The following GPHN variants were observed in gnomAD, a reference collection of about 807,000 sequenced individuals.
The protein encoded by GPHN is gephyrin.
In GPHN, 17 loss-of-function variants were observed where a neutral mutation model predicts 95.5. The observed-to-expected ratio is 0.18, with a 90% CI of 0.12 to 0.27. GPHN has a LOEUF of 0.27. Ranked by LOEUF, GPHN falls within the 10% of genes least tolerant of loss-of-function variation. The probability of loss-of-function intolerance (pLI) is 1.00; values close to 1 mark genes in which losing one functional copy is unlikely to be tolerated. For synonymous variants in GPHN, 320 were observed against 322.5 expected (o/e 0.99, Z 0.08); for missense variants, 660 against 978.1 (o/e 0.67, Z 4.34).
chr14:67,366,418 T>C, the GPHN span, among the ~76,000 whole-genome samples: 1 of 152,214 alleles, frequency 6.6e-6, no homozygotes, highest in Non-Finnish European at 1.5e-5. Flanking sequence ...GAATCAAATA[T>C]GTTTTTAGTT....
At position 66,508,274 on chromosome 14, in the gene GPHN, T is replaced by TG. The variant is rs2057868079; in HGVS notation, c.-253dup. 3 of 577,254 alleles carry TG rather than the reference T, an allele frequency of 5.2e-6. No homozygotes were observed. 35.8% of individuals were successfully genotyped at this position (577,254 alleles called of 1,614,324 possible). ...GTGCGGCCACCGCGCCCCCCAAGCT[T>TG]GCCTCCTTCTTGCCGGACTTGGGGC... On this transcript the variant is annotated 5_prime_UTR_variant, in exon 1 of 23. Coordinates refer to ENST00000478722, the MANE Select transcript of GPHN (RefSeq NM_020806.5).
the GPHN span, chr14:67,302,212 G>A: frequency 6.0e-6 from 8 of 1,343,186 alleles, no homozygotes; most frequent in Non-Finnish European, 7.9e-6. Flanking sequence ...AATGAATAGA[G>A]TATTTCTGAA....
chr14:67,132,295 A>G (rs977951665), intron 17 of GPHN, among the ~76,000 whole-genome samples: 12 of 152,290 alleles, frequency 7.9e-5, no homozygotes, highest in African/African-American at 2.9e-4. Context: ...TTCATTGCTT[A>G]CCCAATGTTC....
At position 67,009,621 on chromosome 14, in the gene GPHN, A is replaced by G. The variant is rs540539087; in HGVS notation, c.964-14012A>G. On this transcript the variant is annotated intron_variant, in intron 9 of 22. Transcript: ENST00000478722. ...TATGCAGGGGAAGGACTGAGAAACA[A>G]TGATTCACAGGGAATCTATACACAA... 2.4e-3 allele frequency among the ~76,000 whole-genome samples: 366 copies of G among 152,270 alleles called. 4 individuals are homozygous for G. Among genetic ancestry groups the G allele is most frequent in the African/African-American group, 8.3e-3 (345 of 41,544 alleles).
chr14:67,629,193 A>G, the GPHN span, among the ~76,000 whole-genome samples: 1 of 152,018 alleles, frequency 6.6e-6, no homozygotes, highest in Non-Finnish European at 1.5e-5. Context: ...AAAATTAGCC[A>G]GGTGTGGTGG....
At chr14:66,518,917 A>T (rs1024693805) in intron 1 of GPHN, among the ~76,000 whole-genome samples, 1 of 152,070 alleles carries the variant, frequency 6.6e-6, no homozygotes, top group Non-Finnish European at 1.5e-5. Flanking sequence ...AGTCTTCTGT[A>T]GCATTGTAGG....
chr14:67,469,918 T>C, the GPHN span, among the ~76,000 whole-genome samples: 1 of 152,188 alleles, frequency 6.6e-6, no homozygotes, highest in African/African-American at 2.4e-5. Context: ...ATGGCTGGTG[T>C]TTCCAGGAGG....
In GPHN at chr14:67,179,631, A is replaced by T; in HGVS notation, c.2133A>T (p.Leu711=). The change falls in exon 22 of 23, where the codon CTA becomes CTT. Residue 711 remains leucine (L), a synonymous_variant. Coordinates refer to ENST00000478722, the MANE Select transcript of GPHN (RefSeq NM_020806.5). ...GTCCAGAATACCATCGGTGTATACTAACTTGGCATCACCAAGAACCACTAC... is the reference window on the plus strand; with the variant it reads ...GTCCAGAATACCATCGGTGTATACTTACTTGGCATCACCAAGAACCACTAC... ...DPRPEYHRCI[L]TWHHQEPLPW... is the part of the protein sequence containing the mutation. The T allele has an allele frequency of 6.2e-7, 1 of 1,608,616 alleles. No homozygotes were observed. Among genetic ancestry groups the T allele is most frequent in the South Asian group, 1.1e-5 (1 of 90,974 alleles).
intron 2 of GPHN, among the ~76,000 whole-genome samples, chr14:66,751,648 T>G (rs146185393): frequency 6.6e-6 from 1 of 152,278 alleles, no homozygotes; most frequent in South Asian, 2.1e-4. Context: ...GGTTGTCTGT[T>G]TATTCTGTTG....
the GPHN span, among the ~76,000 whole-genome samples, chr14:67,213,781 A>C: frequency 6.6e-6 from 1 of 152,194 alleles, no homozygotes; most frequent in Non-Finnish European, 1.5e-5. Flanking sequence ...AGTCCCACCA[A>C]TAGTGTAAAA....
the GPHN span, chr14:67,613,723 T>G: frequency 4.6e-6 from 1 of 217,902 alleles, no homozygotes; most frequent in South Asian, 8.4e-5. Context: ...CAGCCTGTAT[T>G]TGCCAAAACA....
intron 2 of GPHN, among the ~76,000 whole-genome samples, chr14:66,693,578 C>T (rs1291282068): frequency 6.6e-6 from 1 of 152,098 alleles, no homozygotes; most frequent in Non-Finnish European, 1.5e-5. Context: ...ATTTATATCC[C>T]AGCTCCAGAA....
intron 5 of GPHN, among the ~76,000 whole-genome samples, chr14:66,886,590 G>GA (rs781310952): frequency 7.0e-4 from 106 of 151,338 alleles, no homozygotes; most frequent in Non-Finnish European, 1.3e-3. Context: ...TACAATCGCT[G>GA]AAAAAAAATC....
chr14:67,555,708 G>A, the GPHN span: 85 of 1,446,578 alleles, frequency 5.9e-5, no homozygotes, highest in Non-Finnish European at 7.8e-5. Context: ...CACTTGAGAT[G>A]GGCACTTGAA....
chr14:67,691,111 T>C, the GPHN span: 3 of 1,515,600 alleles, frequency 2.0e-6, no homozygotes, highest in Non-Finnish European at 2.8e-6. Context: ...TGGGTCTCTC[T>C]AGCTTTGTGA....
At chr14:66,924,921 AG>A (rs1405924599) in intron 8 of GPHN, among the ~76,000 whole-genome samples, 1 of 152,136 alleles carries the variant, frequency 6.6e-6, no homozygotes, top group Non-Finnish European at 1.5e-5. Flanking sequence ...ATCATTAAAC[AG>A]TGATAATTTA....
the GPHN span, among the ~76,000 whole-genome samples, chr14:67,722,914 G>A: frequency 6.6e-6 from 1 of 152,222 alleles, no homozygotes; most frequent in African/African-American, 2.4e-5. Flanking sequence ...GTGGGGCTGA[G>A]TTCTGGCCCC....
At chr14:67,593,658 C>T in the GPHN span, 576,783 of 743,404 alleles carry the variant, frequency 0.78, 226,555 homozygotes, top group Admixed American at 0.83. Flanking sequence ...CTCACTTTTA[C>T]GGTTTTAGTT....
chr14:67,571,718 C>G, the GPHN span: 3 of 1,600,054 alleles, frequency 1.9e-6, no homozygotes, highest in South Asian at 1.1e-5. Flanking sequence ...GTTTTGCAGC[C>G]TGAGCTGCAG....
Sources: allele counts gnomAD v4.1 joint callset (sites outside exome capture counted in the v4.1 genomes callset), GRCh38; gene constraint gnomAD v4.1.1; transcripts MANE v1.5; gene names NCBI Gene and HGNC (gene_info 2026-07-23, HGNC 2026-07-21).